ELAPOR1: variants seen among roughly 807,000 people sequenced by gnomAD.
The protein encoded by ELAPOR1 is endosome/lysosome-associated apoptosis and autophagy regulator 1.
Under a neutral mutation model 119.7 loss-of-function variants are expected in ELAPOR1, and 77 were observed. The observed-to-expected ratio is 0.64, with a 90% CI of 0.54 to 0.78. The LOEUF (loss-of-function observed/expected upper bound fraction) is 0.78. Ranked by LOEUF, ELAPOR1 falls within the 30% of genes least tolerant of loss-of-function variation. The pLI is 0.00. For synonymous variants in ELAPOR1, 481 were observed against 487.2 expected, an observed-to-expected ratio of 0.99 and a Z score of 0.17; for missense variants, 1,115 against 1,270.4, an observed-to-expected ratio of 0.88 and a Z score of 1.86.
intron 1 of ELAPOR1, among the ~76,000 whole-genome samples, chr1:109,154,606 C>G (rs1478834572): frequency 6.6e-6 from 1 of 152,208 alleles, no homozygotes; most frequent in East Asian, 1.9e-4. Context: ...GCTTTCCAGA[C>G]AGTCTGGGCC....
chr1:109,200,091 A>G lies in ELAPOR1; in HGVS notation c.2661A>G (p.Leu887=), dbSNP rs1332781373. 3 of 1,614,158 alleles carry G rather than the reference A, an allele frequency of 1.9e-6. No individual in the cohort carries two copies. The highest frequency in any genetic ancestry group is 2.2e-5 in the East Asian group (1 of 44,882). Residue 887 remains leucine, a synonymous_variant, in exon 20 of 22, where the codon CTA becomes CTG. Transcript: ENST00000369939. The part of the protein sequence containing the change: ...KTTYVWREPK[L]CSGGISLPEQ... ...CTTACGTGTGGCGAGAACCCAAGCT[A>G]TGCTCTGGTGGCATTTCTCTGCCTG...
Position 109,153,063 on chromosome 1 carries a change from G to A in ELAPOR1, c.154-8831G>A, listed in dbSNP as rs567801348. On this transcript the variant is annotated intron_variant, in intron 1 of 21. Coordinates refer to ENST00000369939, the MANE Select transcript of ELAPOR1 (RefSeq NM_020775.5). The stretch of plus-strand genomic sequence containing the variant: ...ATGTAGTGGGGTAGAGATAGATAAA[G>A]AACGGCAGAAATTGGTGAGTATTGA... Among the ~76,000 whole-genome samples the A allele has an allele frequency of 6.1e-4, 92 of 152,042 alleles. No homozygotes were observed. The Middle Eastern group carries it at 0.01, about 17-fold the overall frequency.
At chr1:109,197,347 A>G in intron 15 of ELAPOR1, 127 bp from the exon 16 acceptor site, 1 of 763,136 alleles carries the variant, frequency 1.3e-6, no homozygotes, top group South Asian at 1.7e-5. Context: ...GGGATGAATC[A>G]TTCCCCTACA....
At chr1:109,172,111 G>C in intron 4 of ELAPOR1, 98 bp downstream of exon 4, 1 of 1,427,854 alleles carries the variant, frequency 7.0e-7, no homozygotes, top group Non-Finnish European at 9.8e-7. Flanking sequence ...CTGCTTGGGG[G>C]AATCACTGTT....
At chr1:109,191,013 C>T (rs561075515) in intron 11 of ELAPOR1, among the ~76,000 whole-genome samples, 1 of 152,166 alleles carries the variant, frequency 6.6e-6, no homozygotes, top group Non-Finnish European at 1.5e-5. Flanking sequence ...TTCTGCAGTT[C>T]TAATAAACTC....
rs1652449902 is a variant in ELAPOR1 at position 109,177,970 on chromosome 1, G to A, written c.952+4133G>A. Among the ~76,000 whole-genome samples, 3 of 150,994 alleles carry A rather than the reference G, an allele frequency of 2.0e-5. No individual in the cohort carries two copies. In the South Asian group the frequency reaches 6.3e-4, roughly 32 times the overall value. ...TTCCTTCTGCCACTGATTTCTCAAT[G>A]TGCCCCATTGACTGAGAAGTGAGTT... On this transcript the variant is annotated intron_variant, in intron 7 of 21. Transcript: ENST00000369939.
At chr1:109,129,499 G>A (rs1323078486) in intron 1 of ELAPOR1, among the ~76,000 whole-genome samples, 1 of 152,182 alleles carries the variant, frequency 6.6e-6, no homozygotes, top group African/African-American at 2.4e-5. Flanking sequence ...GCGACAGAGT[G>A]AGACTCCGTC....
At chr1:109,202,852 G>T in intron 21 of ELAPOR1, 92 bp from the exon 22 acceptor site, 1 of 1,172,818 alleles carries the variant, frequency 8.5e-7, no homozygotes, top group Non-Finnish European at 1.3e-6. Flanking sequence ...ATTTCATAAG[G>T]GTTCCTTCTG....
rs770119817 is a variant in ELAPOR1 at position 109,161,941 on chromosome 1, G to A, written c.201G>A (p.Arg67=). Residue 67 remains arginine (R), a synonymous_variant, in exon 2 of 22, where the codon AGG becomes AGA. Coordinates refer to ENST00000369939, the MANE Select transcript of ELAPOR1 (RefSeq NM_020775.5). ...EYTACDSTGS[R]WRVAVPHTPG... Reference sequence around the variant, plus strand: ...CGGCGTGTGACAGCACGGGTTCCAGGTGGAGGGTCGCCGTGCCGCATACCC... The same window carrying A: ...CGGCGTGTGACAGCACGGGTTCCAGATGGAGGGTCGCCGTGCCGCATACCC... 6.2e-7 allele frequency: 1 copy of A among 1,614,102 alleles called. No individual in the cohort carries two copies. Among genetic ancestry groups the A allele is most frequent in the Non-Finnish European group, 8.5e-7 (1 of 1,179,950 alleles).
chr1:109,202,917 C>T, intron 21 of ELAPOR1, 27 bp from the exon 22 acceptor site: 1 of 1,613,806 alleles, frequency 6.2e-7, no homozygotes, highest in Non-Finnish European at 8.5e-7. Context: ...GTGCAGCAGC[C>T]AGCTCCTGTC....
chr1:109,124,905 A>G (rs754421891), intron 1 of ELAPOR1, among the ~76,000 whole-genome samples: 17 of 151,910 alleles, frequency 1.1e-4, no homozygotes, highest in Non-Finnish European at 2.2e-4. Context: ...TCACTCTACC[A>G]CTTTCGATTC....
chr1:109,174,353 C>T (rs887438445), intron 7 of ELAPOR1, among the ~76,000 whole-genome samples: 2 of 122,454 alleles, frequency 1.6e-5, no homozygotes, highest in African/African-American at 6.2e-5. Flanking sequence ...GTTGAAGCTT[C>T]AGTGAGCCAT....
chr1:109,116,950 C>T (rs1648051640), intron 1 of ELAPOR1, among the ~76,000 whole-genome samples: 1 of 152,208 alleles, frequency 6.6e-6, no homozygotes, highest in African/African-American at 2.4e-5. Context: ...CTTGGCCTCC[C>T]AGAGTGCTGG....
intron 13 of ELAPOR1, 117 bp downstream of exon 13, chr1:109,191,980 G>T: frequency 7.7e-7 from 1 of 1,305,880 alleles, no homozygotes; most frequent in Non-Finnish European, 1.1e-6. Context: ...AAGGATCTCA[G>T]GGGGTCAAGC....
chr1:109,167,321 A>G (rs1241024090), intron 3 of ELAPOR1, among the ~76,000 whole-genome samples: 44 of 152,184 alleles, frequency 2.9e-4, no homozygotes. Flanking sequence ...GGACTATTTC[A>G]GGGCCTGCAT....
chr1:109,151,020 A>G (rs1299995650), intron 1 of ELAPOR1, among the ~76,000 whole-genome samples: 1 of 152,168 alleles, frequency 6.6e-6, no homozygotes, highest in Non-Finnish European at 1.5e-5. Flanking sequence ...GAAATTCTGC[A>G]TCTGGCCGTA....
intron 1 of ELAPOR1, among the ~76,000 whole-genome samples, chr1:109,115,916 T>C (rs892385157): frequency 6.6e-6 from 1 of 152,142 alleles, no homozygotes; most frequent in African/African-American, 2.4e-5. Context: ...TCACTGGCCT[T>C]GATGGCCTGT....
chr1:109,119,790 C>T (rs191986191), intron 1 of ELAPOR1, among the ~76,000 whole-genome samples: 90 of 152,218 alleles, frequency 5.9e-4, no homozygotes, highest in African/African-American at 2.0e-3. Flanking sequence ...ATTTTTGAAC[C>T]TGTCTTCTGG....
At chr1:109,197,684 T>TGAGAGA (rs375471602) in intron 16 of ELAPOR1, 30 bp downstream of exon 16, 15,961 of 1,485,136 alleles carry the variant, frequency 0.011, 334 homozygotes, top group Non-Finnish European at 0.011. Flanking sequence ...CAGCCTTGTT[T>TGAGAGA]GAGAGTGTGT....
Sources: gnomAD v4.1 joint callset for allele counts (sites outside exome capture counted in the v4.1 genomes callset) on GRCh38, gnomAD v4.1.1 for gene constraint, MANE v1.5 for transcripts, NCBI Gene and HGNC (gene_info 2026-07-23, HGNC 2026-07-21) for gene names.